Variants in MAP3K2 observed in about 807,000 individuals in gnomAD.
MAP3K2 encodes mitogen-activated protein kinase kinase kinase 2.
MAP3K2 carries 24 observed loss-of-function variants against 80.3 expected under a neutral mutation model. The ratio of observed to expected loss-of-function variants is 0.30; its 90% CI spans 0.22 to 0.42. The LOEUF is 0.42. Ranked by LOEUF, MAP3K2 falls within the 10% of genes least tolerant of loss-of-function variation. The pLI is 1.00. For synonymous variants in MAP3K2, 244 were observed against 253.7 expected (o/e 0.96, Z 0.36); for missense variants, 608 against 750.1 (o/e 0.81, Z 2.21).
At position 127,299,105 on chromosome 2, in the gene MAP3K2, G is replaced by C. The variant is rs1190476942; in HGVS notation, c.*8474C>G. The C allele has an allele frequency of 6.6e-6, 1 of 152,104 alleles. No individual in the cohort carries two copies. Among genetic ancestry groups the C allele is most frequent in the Non-Finnish European group, 1.5e-5 (1 of 68,020 alleles). The allele number at this position is 152,104 out of a possible 1,614,324, so 9.4% of individuals were successfully genotyped here. ...ACGTACCACACTGTATCTGGCTTCT[G>C]GTAGGTTTTCCTAATCACACTGGTT... On this transcript the variant is annotated 3_prime_UTR_variant, in exon 17 of 17. Transcript: ENST00000682094.
chr2:127,300,382 G>A lies in MAP3K2; in HGVS notation c.*7197C>T, dbSNP rs1278622495. On this transcript the variant is annotated 3_prime_UTR_variant, in exon 17 of 17. Coordinates refer to ENST00000682094, the MANE Select transcript of MAP3K2 (RefSeq NM_001371910.2). The stretch of plus-strand genomic sequence containing the variant: ...AACTGAGATTAAAAACATTTAGAGA[G>A]AAACCAATAGGTTAAATATAGAGAA... The A allele has an allele frequency of 6.6e-6, 1 of 152,068 alleles. No homozygotes were observed. The highest frequency in any genetic ancestry group is 1.5e-5 in the Non-Finnish European group (1 of 67,970). 9.4% of individuals were successfully genotyped at this position (152,068 alleles called of 1,614,324 possible).
intron 1 of MAP3K2, among the ~76,000 whole-genome samples, chr2:127,371,159 C>T (rs1014363278): frequency 7.0e-4 from 107 of 152,312 alleles, no homozygotes; most frequent in African/African-American, 2.3e-3. Flanking sequence ...AGACAACTTC[C>T]GTATGACCCC....
At position 127,307,404 on chromosome 2, in the gene MAP3K2, A is replaced by G; in HGVS notation, c.*175T>C. ...AGGGAAAAAAAGATTAAATATAAAA[A>G]ATTTAGGATATTATTATTATTAAAC... On this transcript the variant is annotated 3_prime_UTR_variant, in exon 17 of 17. Coordinates refer to ENST00000682094, the MANE Select transcript of MAP3K2 (RefSeq NM_001371910.2). This position sits in a 1 kb window ranked among gnomAD's most constrained non-coding sequence, Gnocchi z 5.4. The G allele has an allele frequency of 1.2e-5, 5 of 402,632 alleles. No homozygotes were observed. Among genetic ancestry groups the G allele is most frequent in the Non-Finnish European group, 2.2e-5 (5 of 228,708 alleles). 24.9% of individuals were successfully genotyped at this position (402,632 alleles called of 1,614,324 possible).
At chr2:127,375,759 C>G (rs1687141492) in intron 1 of MAP3K2, among the ~76,000 whole-genome samples, 1 of 152,116 alleles carries the variant, frequency 6.6e-6, no homozygotes, top group Admixed American at 6.5e-5. Flanking sequence ...TTCTTCTGCC[C>G]TGTTACTTAG....
rs1462563942 is a variant in MAP3K2 at position 127,322,464 on chromosome 2, A to G, written c.839-212T>C. ...AAACATGTATGAGTGTGCACACAGA[A>G]ACATACACACACACATCTTAAAAAG... On this transcript the variant is annotated intron_variant, in intron 11 of 16. Transcript: ENST00000682094. This position sits in a 1 kb window ranked among gnomAD's most constrained non-coding sequence, Gnocchi z 4.2. Among the ~76,000 whole-genome samples, 2 of 152,194 alleles carry G rather than the reference A, an allele frequency of 1.3e-5. No homozygotes were observed. Among genetic ancestry groups the G allele is most frequent in the East Asian group, 3.8e-4 (2 of 5,196 alleles).
chr2:127,381,520 G>T (rs1206710643), intron 1 of MAP3K2, among the ~76,000 whole-genome samples: 4 of 152,134 alleles, frequency 2.6e-5, no homozygotes, highest in Non-Finnish European at 5.9e-5. Flanking sequence ...CCTGTGATTT[G>T]TTTCCATCTA....
intron 1 of MAP3K2, among the ~76,000 whole-genome samples, chr2:127,363,177 C>G (rs1295736991): frequency 6.6e-6 from 1 of 151,962 alleles, no homozygotes; most frequent in Admixed American, 6.6e-5. Flanking sequence ...TTGTGGGAGT[C>G]GAGGTTCTGG....
At chr2:127,351,257 C>T (rs1686686876) in intron 1 of MAP3K2, among the ~76,000 whole-genome samples, 1 of 152,032 alleles carries the variant, frequency 6.6e-6, no homozygotes, top group Non-Finnish European at 1.5e-5. Flanking sequence ...CAATGCTAAC[C>T]TCCTCATTTT....
chr2:127,343,268 C>T (rs1015161048), intron 1 of MAP3K2, 74 bp from the exon 2 acceptor site: 34 of 631,588 alleles, frequency 5.4e-5, no homozygotes, highest in Non-Finnish European at 3.6e-5. Context: ...AAAAAAAAGT[C>T]AGTTTAAATA....
intron 5 of MAP3K2, among the ~76,000 whole-genome samples, chr2:127,332,228 T>C (rs1297736143): frequency 6.6e-6 from 1 of 152,196 alleles, no homozygotes; most frequent in Non-Finnish European, 1.5e-5. Flanking sequence ...TCTTCAATAG[T>C]CTATTACTTT....
chr2:127,343,107 G>T lies in MAP3K2; in HGVS notation c.4+19C>A. The T allele has an allele frequency of 1.3e-6, 2 of 1,548,256 alleles. No homozygotes were observed. Among genetic ancestry groups the T allele is most frequent in the South Asian group, 1.2e-5 (1 of 83,424 alleles). On this transcript the variant is annotated intron_variant, in intron 2 of 16. Coordinates refer to ENST00000682094, the MANE Select transcript of MAP3K2 (RefSeq NM_001371910.2). Reference sequence around the variant, plus strand: ...TATCCTTTAATTATTGCTGAAAAATGCTTTTAGTTTGAACTCACCCATTAT... The same window carrying T: ...TATCCTTTAATTATTGCTGAAAAATTCTTTTAGTTTGAACTCACCCATTAT...
chr2:127,387,530 G>A lies in MAP3K2; in HGVS notation c.-144C>T, dbSNP rs1687390273. On this transcript the variant is annotated 5_prime_UTR_variant, in exon 1 of 17. Coordinates refer to ENST00000682094, the MANE Select transcript of MAP3K2 (RefSeq NM_001371910.2). The stretch of plus-strand genomic sequence containing the variant: ...GCCGAGCCCGCCCCTCCGCCCCAGC[G>A]CGGCCTGTCACCGCGGCCCCAGGTC... 2 of 984,898 alleles carry A rather than the reference G, an allele frequency of 2.0e-6. No individual in the cohort carries two copies. The highest frequency in any genetic ancestry group is 4.7e-5 in the South Asian group (1 of 21,282). The allele number at this position is 984,898 out of a possible 1,614,324, so 61.0% of individuals were successfully genotyped here. A position where few individuals can be genotyped will look rare whatever the true frequency, so the allele number is the denominator to read the frequency against.
intron 1 of MAP3K2, among the ~76,000 whole-genome samples, chr2:127,347,924 T>G (rs1471584076): frequency 6.6e-6 from 1 of 152,088 alleles, no homozygotes; most frequent in Non-Finnish European, 1.5e-5. Flanking sequence ...GTAATGAAGA[T>G]GTGAAGAAAT....
chr2:127,354,265 A>T (rs1686759778), intron 1 of MAP3K2, among the ~76,000 whole-genome samples: 1 of 144,220 alleles, frequency 6.9e-6, no homozygotes, highest in African/African-American at 2.6e-5. Flanking sequence ...AAGAAATATC[A>T]TTTGAAAAAA....
chr2:127,365,981 G>C (rs1686964170), intron 1 of MAP3K2, among the ~76,000 whole-genome samples: 1 of 152,142 alleles, frequency 6.6e-6, no homozygotes, highest in South Asian at 2.1e-4. Flanking sequence ...AATCTCTGCA[G>C]CTTTCCCTCT....
intron 5 of MAP3K2, among the ~76,000 whole-genome samples, chr2:127,332,436 C>T (rs923822678): frequency 1.3e-5 from 2 of 152,234 alleles, no homozygotes; most frequent in African/African-American, 4.8e-5. Context: ...GATTCTGCTG[C>T]TCTTCAGTTT....
At position 127,347,111 on chromosome 2, in the gene MAP3K2, C is replaced by G. The variant is rs557961349; in HGVS notation, c.-65-3917G>C. 6.6e-5 allele frequency among the ~76,000 whole-genome samples: 10 copies of G among 152,116 alleles called. 1 individual carries two copies. The highest frequency in any genetic ancestry group is 5.2e-4 in the Admixed American group (8 of 15,292). On this transcript the variant is annotated intron_variant, in intron 1 of 16. Coordinates refer to ENST00000682094, the MANE Select transcript of MAP3K2 (RefSeq NM_001371910.2). ...TCAAAAGATAACAAACAGAAGAGGA[C>G]ATAATCAAGTTGATTATGGTGAAAA...
chr2:127,307,715 G>A lies in MAP3K2; in HGVS notation c.1724C>T (p.Thr575Ile). ...EAMAAIFKIATQPTNPKLPPH... is the reference protein window; with the variant it reads ...EAMAAIFKIAIQPTNPKLPPH... ...TGGCAGCTTTGGGTTTGTTGGCTGA[G>A]TGGCGATTTTAAAGATGGCAGCCAT... is the stretch of plus-strand genomic sequence containing the variant. Residue 575 changes from threonine (T) to isoleucine (I), a missense_variant, in exon 17 of 17, where the codon ACT becomes ATT. By Grantham distance (89) the Thr-to-Ile change is moderately conservative. Coordinates refer to ENST00000682094, the MANE Select transcript of MAP3K2 (RefSeq NM_001371910.2). This position sits in a 1 kb window ranked among gnomAD's most constrained non-coding sequence, Gnocchi z 5.4. 1 of 1,597,884 alleles carries A rather than the reference G, an allele frequency of 6.3e-7. No individual in the cohort carries two copies. Among genetic ancestry groups the A allele is most frequent in the Non-Finnish European group, 8.5e-7 (1 of 1,171,642 alleles).
chr2:127,380,237 A>G lies in MAP3K2; in HGVS notation c.-66+7215T>C, dbSNP rs188029253. ...GAGCTAACTTACTACTGAACGACAC[A>G]TCAATGATTATAGTGCAATGTGGCA... On this transcript the variant is annotated intron_variant, in intron 1 of 16. Transcript: ENST00000682094. Among the ~76,000 whole-genome samples the G allele has an allele frequency of 6.6e-5, 10 of 152,342 alleles. 1 individual carries two copies. The highest frequency in any genetic ancestry group is 5.2e-4 in the Admixed American group (8 of 15,302).
Sources: gnomAD v4.1 joint callset for allele counts (sites outside exome capture counted in the v4.1 genomes callset) on GRCh38, gnomAD v4.1.1 for gene constraint, Gnocchi (gnomAD v3.1) non-coding constraint, MANE v1.5 for transcripts, NCBI Gene and HGNC (gene_info 2026-07-23, HGNC 2026-07-21) for gene names.